Variants in SORCS1 observed in about 807,000 individuals in gnomAD.
The protein encoded by SORCS1 is sortilin related VPS10 domain containing receptor 1, also known as VPS10 domain-containing receptor SorCS1.
In SORCS1, 60 loss-of-function variants were observed where a neutral mutation model predicts 146.1. The ratio of observed to expected loss-of-function variants is 0.41; its 90% CI spans 0.33 to 0.51. The LOEUF is 0.51. Ranked by LOEUF, SORCS1 falls within the 20% of genes least tolerant of loss-of-function variation. The pLI is 0.21. For missense variants in SORCS1, 1,352 were observed against 1,487.6 expected, an observed-to-expected ratio of 0.91 and a Z score of 1.50; for synonymous variants, 637 against 584.0, an observed-to-expected ratio of 1.09 and a Z score of -1.31.
At chr10:106,649,799 T>G (rs1040890414) in intron 18 of SORCS1, among the ~76,000 whole-genome samples, 2 of 152,184 alleles carry the variant, frequency 1.3e-5, no homozygotes, top group African/African-American at 4.8e-5. Context: ...TTCTCTATAT[T>G]CTATTTCTTT....
chr10:106,972,619 T>G (rs1955835898), intron 1 of SORCS1, among the ~76,000 whole-genome samples: 1 of 151,654 alleles, frequency 6.6e-6, no homozygotes, highest in South Asian at 2.1e-4. Flanking sequence ...ACAGTCTGAG[T>G]CCAAAGCTCA....
chr10:106,938,261 C>T (rs1953854703), intron 2 of SORCS1, among the ~76,000 whole-genome samples: 1 of 152,154 alleles, frequency 6.6e-6, no homozygotes, highest in African/African-American at 2.4e-5. Context: ...AGGAACTTAG[C>T]ACATCAAGTT....
chr10:106,973,296 C>T (rs1344385327), intron 1 of SORCS1, among the ~76,000 whole-genome samples: 1 of 152,192 alleles, frequency 6.6e-6, no homozygotes, highest in Non-Finnish European at 1.5e-5. Flanking sequence ...CAAGTGGGAA[C>T]TCTGTTGCAG....
chr10:107,149,856 T>C (rs997281711), intron 1 of SORCS1, among the ~76,000 whole-genome samples: 1 of 152,186 alleles, frequency 6.6e-6, no homozygotes, highest in African/African-American at 2.4e-5. Flanking sequence ...CAACCTAAGA[T>C]CAACCCAAGA....
At chr10:107,108,818 AC>A (rs1339159830) in intron 1 of SORCS1, among the ~76,000 whole-genome samples, 9 of 152,218 alleles carry the variant, frequency 5.9e-5, no homozygotes, top group Non-Finnish European at 1.3e-4. Flanking sequence ...CATAAAAAAA[AC>A]AAATTTGTTA....
chr10:106,708,603 G>A (rs191983484), intron 7 of SORCS1, among the ~76,000 whole-genome samples: 3 of 152,260 alleles, frequency 2.0e-5, no homozygotes, highest in East Asian at 3.9e-4. Context: ...CTCAGGAAAC[G>A]TCAGCTTCTT....
Position 106,730,124 on chromosome 10 carries a change from G to A in SORCS1, c.960-10C>T. 1 of 1,613,968 alleles carries A rather than the reference G, an allele frequency of 6.2e-7. No homozygotes were observed. Among genetic ancestry groups the A allele is most frequent in the Non-Finnish European group, 8.5e-7 (1 of 1,179,908 alleles). ...TGACCCCATCACAGACCTAAAAAATGGAGAAACATGAAAAGAAACATCCAT... is the reference window on the plus strand; with the variant it reads ...TGACCCCATCACAGACCTAAAAAATAGAGAAACATGAAAAGAAACATCCAT... On this transcript the variant is annotated splice_polypyrimidine_tract_variant and intron_variant, in intron 5 of 25. Transcript: ENST00000263054.
intron 2 of SORCS1, among the ~76,000 whole-genome samples, chr10:106,939,375 T>C (rs557601320): frequency 1.8e-4 from 27 of 150,782 alleles, no homozygotes; most frequent in Middle Eastern, 3.4e-3. Context: ...CTTATTTCTT[T>C]CAAACTCAGA....
chr10:106,891,501 A>ATTTTTTTTTTTTTTTTTTTTTTT (rs562213104), intron 2 of SORCS1, among the ~76,000 whole-genome samples: 7 of 74,062 alleles, frequency 9.5e-5, no homozygotes, highest in East Asian at 4.5e-4. Flanking sequence ...TTCAATGGGA[A>ATTTTTTTTTTTTTTTTTTTTTTT]TTCTTTTTTT....
At chr10:107,056,122 T>TC (rs1207346045) in intron 1 of SORCS1, among the ~76,000 whole-genome samples, 2 of 152,040 alleles carry the variant, frequency 1.3e-5, no homozygotes, top group Non-Finnish European at 2.9e-5. Flanking sequence ...GGTAAAAGTG[T>TC]CGGGGGGGCT....
chr10:107,167,750 CTA>C (rs541217041), upstream of SORCS1, among the ~76,000 whole-genome samples: 1,381 of 151,630 alleles, frequency 9.1e-3, 13 homozygotes, highest in Non-Finnish European at 0.014. Context: ...ATTAATATAC[CTA>C]TGTTATATAC....
chr10:106,806,384 A>AAAATAAAAT (rs1314784925), intron 3 of SORCS1, among the ~76,000 whole-genome samples: 1 of 139,666 alleles, frequency 7.2e-6, no homozygotes, highest in Non-Finnish European at 1.5e-5. Flanking sequence ...AAAATAAAAT[A>AAAATAAAAT]AAAATAAAAT....
chr10:106,979,737 T>TC (rs1956175300), intron 1 of SORCS1, among the ~76,000 whole-genome samples: 1 of 152,200 alleles, frequency 6.6e-6, no homozygotes, highest in African/African-American at 2.4e-5. Context: ...CGTGTGGCCC[T>TC]CTCAGGCATT....
chr10:106,751,085 A>C (rs1858186063), intron 5 of SORCS1, among the ~76,000 whole-genome samples: 1 of 136,728 alleles, frequency 7.3e-6, no homozygotes, highest in Non-Finnish European at 1.5e-5. Flanking sequence ...AAAAAAAAAA[A>C]AAAAAAAAAT....
At chr10:107,176,618 G>A in the SORCS1 span, among the ~76,000 whole-genome samples, 1 of 152,052 alleles carries the variant, frequency 6.6e-6, no homozygotes, top group African/African-American at 2.4e-5. Context: ...GGGATTACAG[G>A]TGTGAGCCAC....
At chr10:106,612,316 AC>A (rs34046747) in intron 21 of SORCS1, among the ~76,000 whole-genome samples, 2 of 138,568 alleles carry the variant, frequency 1.4e-5, no homozygotes, top group East Asian at 2.5e-4. Context: ...AGAGGAGACC[AC>A]CCCCCCAGAC....
chr10:107,131,442 G>T (rs1966869106), intron 1 of SORCS1, among the ~76,000 whole-genome samples: 1 of 152,154 alleles, frequency 6.6e-6, no homozygotes, highest in Admixed American at 6.5e-5. Context: ...CTCTCTTTTG[G>T]CCCGATGCAG....
intron 5 of SORCS1, among the ~76,000 whole-genome samples, chr10:106,751,097 C>T (rs1370359158): frequency 2.8e-4 from 28 of 101,494 alleles, no homozygotes; most frequent in Non-Finnish European, 3.5e-4. Context: ...AAAAAAAATG[C>T]GGAGGAGGTG....
At chr10:106,811,112 G>A (rs922136039) in intron 3 of SORCS1, among the ~76,000 whole-genome samples, 1 of 151,834 alleles carries the variant, frequency 6.6e-6, no homozygotes, top group African/African-American at 2.4e-5. Context: ...GCTAATTTTT[G>A]TATTTTTAGT....
Sources: gnomAD v4.1 joint callset for allele counts (sites outside exome capture counted in the v4.1 genomes callset) on GRCh38, gnomAD v4.1.1 for gene constraint, MANE v1.5 for transcripts, NCBI Gene and HGNC (gene_info 2026-07-23, HGNC 2026-07-21) for gene names.